FBXO15: variants seen among roughly 807,000 people sequenced by gnomAD.
FBXO15 encodes F-box only protein 15.
Under a neutral mutation model 49.5 loss-of-function variants are expected in FBXO15, and 30 were observed. The observed-to-expected ratio is 0.61, with a 90% confidence interval of 0.45 to 0.82. FBXO15 has a LOEUF of 0.82. Ranked by LOEUF, FBXO15 falls within the 40% of genes least tolerant of loss-of-function variation. The pLI, the probability that FBXO15 is intolerant of heterozygous loss-of-function variation, is 0.00. For missense variants in FBXO15, 591 were observed against 631.5 expected (o/e 0.94, Z 0.69); for synonymous variants, 250 against 232.7 (o/e 1.07, Z -0.68).
At chr18:74,087,682 C>A (rs1256615806) in intron 8 of FBXO15, among the ~76,000 whole-genome samples, 1 of 152,212 alleles carries the variant, frequency 6.6e-6, no homozygotes, top group Non-Finnish European at 1.5e-5. Context: ...CAGATACATG[C>A]ATGTGTCTTC....
chr18:74,130,901 C>A, intron 3 of FBXO15: 5 of 371,290 alleles, frequency 1.3e-5, no homozygotes, highest in East Asian at 1.1e-4. Flanking sequence ...GGTCAGGTCT[C>A]AAGTGAGTAA....
chr18:74,089,667 T>C (rs1222498622), intron 8 of FBXO15, among the ~76,000 whole-genome samples: 1 of 152,218 alleles, frequency 6.6e-6, no homozygotes, highest in East Asian at 1.9e-4. Flanking sequence ...TCTGCATCTA[T>C]TGATAATCAT....
At chr18:74,137,606 G>T (rs535066448) in intron 2 of FBXO15, among the ~76,000 whole-genome samples, 1 of 152,006 alleles carries the variant, frequency 6.6e-6, no homozygotes, top group African/African-American at 2.4e-5. Context: ...AGTGGAGATC[G>T]AATACATTCT....
At chr18:74,099,238 T>G (rs890451739) in intron 8 of FBXO15, 1 of 152,166 alleles carries the variant, frequency 6.6e-6, no homozygotes, top group African/African-American at 2.4e-5. Flanking sequence ...CAGCAGAAAT[T>G]CTACAAGCTA....
At chr18:74,108,301 A>T (rs532951596) in intron 8 of FBXO15, among the ~76,000 whole-genome samples, 4 of 152,160 alleles carry the variant, frequency 2.6e-5, no homozygotes, top group African/African-American at 9.7e-5. Flanking sequence ...AAATTTTTTA[A>T]AAAAAGACAG....
At chr18:74,119,975 C>G (rs1319645404) in intron 8 of FBXO15, among the ~76,000 whole-genome samples, 1 of 152,154 alleles carries the variant, frequency 6.6e-6, no homozygotes, top group Admixed American at 6.5e-5. Context: ...AGTGGTGGCA[C>G]CAGGTCAGGC....
intron 3 of FBXO15, among the ~76,000 whole-genome samples, chr18:74,134,685 C>G (rs1189210589): frequency 2.0e-5 from 3 of 152,072 alleles, no homozygotes; most frequent in African/African-American, 7.2e-5. Flanking sequence ...TTTTAAAATA[C>G]AGATTTCAGA....
At chr18:74,094,359 CT>C (rs1913187320) in intron 8 of FBXO15, among the ~76,000 whole-genome samples, 1 of 152,186 alleles carries the variant, frequency 6.6e-6, no homozygotes, top group Admixed American at 6.5e-5. Flanking sequence ...CCTCCTTTCT[CT>C]TGCTCCAGCT....
chr18:74,101,994 C>T (rs1005227413), intron 8 of FBXO15, among the ~76,000 whole-genome samples: 2 of 152,066 alleles, frequency 1.3e-5, no homozygotes, highest in African/African-American at 2.4e-5. Context: ...AAACCTAAGG[C>T]GTGAAACTAT....
At chr18:74,110,895 C>T (rs1913996475) in intron 8 of FBXO15, among the ~76,000 whole-genome samples, 1 of 152,110 alleles carries the variant, frequency 6.6e-6, no homozygotes, top group Admixed American at 6.5e-5. Flanking sequence ...AACAACAGAA[C>T]ATCAAAATAT....
rs993531506 is a variant in FBXO15 at position 74,125,890 on chromosome 18, T to A, written c.912+85A>T. The A allele has an allele frequency of 2.6e-6, 4 of 1,537,928 alleles. No individual in the cohort carries two copies. In the African/African-American group the frequency reaches 5.5e-5, roughly 21 times the overall value. On this transcript the variant is annotated intron_variant, in intron 6 of 9. Transcript: ENST00000419743. ...AGTTAGTGAAAAGCTTAAAGGATTT[T>A]ACATTTGAAGTCATACATAATGGTA...
At chr18:74,101,779 T>C (rs1913532439) in intron 8 of FBXO15, among the ~76,000 whole-genome samples, 1 of 152,084 alleles carries the variant, frequency 6.6e-6, no homozygotes, top group Non-Finnish European at 1.5e-5. Context: ...CATAGACCAG[T>C]GGAACAGAAT....
chr18:74,089,723 C>T (rs984071612), intron 8 of FBXO15, among the ~76,000 whole-genome samples: 13 of 151,960 alleles, frequency 8.6e-5, no homozygotes, highest in Admixed American at 3.3e-4. Context: ...TCACATTTAT[C>T]GATTTGCATA....
At chr18:74,141,352 C>T (rs761540311) in intron 1 of FBXO15, among the ~76,000 whole-genome samples, 1 of 152,200 alleles carries the variant, frequency 6.6e-6, no homozygotes, top group Non-Finnish European at 1.5e-5. Context: ...GAAGCTTCTG[C>T]TTTAAGCAAC....
chr18:74,116,784 C>A (rs1039639734), intron 8 of FBXO15, among the ~76,000 whole-genome samples: 2 of 152,182 alleles, frequency 1.3e-5, no homozygotes, highest in African/African-American at 4.8e-5. Flanking sequence ...GGGCTTCCCT[C>A]TGTGTGGCCC....
At position 74,118,417 on chromosome 18, in the gene FBXO15, T is replaced by TATATATATATGTGTATATACAC. The variant is rs1555678648; in HGVS notation, c.1138+4929_1138+4950dup. 3.4e-3 allele frequency among the ~76,000 whole-genome samples: 502 copies of TATATATATATGTGTATATACAC among 149,552 alleles called. 5 individuals are homozygous for TATATATATATGTGTATATACAC. Among genetic ancestry groups the TATATATATATGTGTATATACAC allele is most frequent in the African/African-American group, 0.012 (465 of 40,412 alleles). ...GCGTATATACACATATATACACATA[T>TATATATATATGTGTATATACAC]ATATATATATGTGTATATACACACA... On this transcript the variant is annotated intron_variant, in intron 8 of 9. Coordinates refer to ENST00000419743, the MANE Select transcript of FBXO15 (RefSeq NM_001142958.2).
At chr18:74,097,584 C>T (rs1173373657) in intron 8 of FBXO15, 1 of 152,350 alleles carries the variant, frequency 6.6e-6, no homozygotes, top group Non-Finnish European at 1.5e-5. Context: ...ACACCTCCAT[C>T]CCCCACAGCA....
intron 5 of FBXO15, among the ~76,000 whole-genome samples, chr18:74,127,467 C>T (rs549062668): frequency 1.3e-5 from 2 of 152,330 alleles, no homozygotes; most frequent in Admixed American, 6.5e-5. Flanking sequence ...ATCCAGATTA[C>T]ATCAATGAGG....
intron 2 of FBXO15, among the ~76,000 whole-genome samples, chr18:74,137,409 C>T (rs570177513): frequency 6.6e-6 from 1 of 152,208 alleles, no homozygotes; most frequent in South Asian, 2.1e-4. Context: ...AAAAACAGAG[C>T]TGGGCTTAAA....
Sources: gnomAD v4.1 joint callset for allele counts (sites outside exome capture counted in the v4.1 genomes callset) on GRCh38, gnomAD v4.1.1 for gene constraint, MANE v1.5 for transcripts, NCBI Gene and HGNC (gene_info 2026-07-23, HGNC 2026-07-21) for gene names.